The following DSCAM variants were observed in gnomAD, a reference collection of about 807,000 sequenced individuals.
The protein encoded by DSCAM is cell adhesion molecule DSCAM.
In DSCAM, 47 loss-of-function variants were observed where a neutral mutation model predicts 217.7. The observed-to-expected ratio is 0.22, with a 90% confidence interval of 0.17 to 0.28. DSCAM has a LOEUF of 0.28. Ranked by LOEUF, DSCAM falls within the 10% of genes least tolerant of loss-of-function variation. The pLI, the probability that DSCAM is intolerant of heterozygous loss-of-function variation, is 1.00. For missense variants in DSCAM, 2,080 were observed against 2,618.3 expected, an observed-to-expected ratio of 0.79 and a Z score of 4.49; for synonymous variants, 1,056 against 1,015.3, an observed-to-expected ratio of 1.04 and a Z score of -0.76.
chr21:40,440,217 G>A (rs1421050677), intron 3 of DSCAM, among the ~76,000 whole-genome samples: 3 of 152,188 alleles, frequency 2.0e-5, no homozygotes, highest in African/African-American at 7.2e-5. Context: ...GTTCTCCAGA[G>A]AGACACATGG....
intron 32 of DSCAM, among the ~76,000 whole-genome samples, chr21:40,039,401 A>G (rs773999983): frequency 1.5e-4 from 22 of 151,504 alleles, no homozygotes; most frequent in Non-Finnish European, 2.8e-4. Context: ...ATTTGACTAT[A>G]ATTTCTATTA....
At chr21:40,080,420 G>C in intron 24 of DSCAM, 80 bp from the exon 25 acceptor site, 1 of 1,234,984 alleles carries the variant, frequency 8.1e-7, no homozygotes, top group Non-Finnish European at 1.1e-6. Context: ...ATTTTGTGTG[G>C]GTAATAGAAC....
intron 1 of DSCAM, among the ~76,000 whole-genome samples, chr21:40,720,929 T>C (rs2090894381): frequency 6.6e-6 from 1 of 152,202 alleles, no homozygotes; most frequent in East Asian, 1.9e-4. Context: ...TCCTTAACTG[T>C]GTGCTGATAT....
At chr21:40,254,596 T>C (rs1421550078) in intron 11 of DSCAM, among the ~76,000 whole-genome samples, 2 of 152,186 alleles carry the variant, frequency 1.3e-5, no homozygotes, top group Non-Finnish European at 2.9e-5. Context: ...GGTGACTGGT[T>C]CACGGGGGTG....
chr21:40,692,056 C>T (rs1361173907), intron 3 of DSCAM, among the ~76,000 whole-genome samples: 1 of 152,260 alleles, frequency 6.6e-6, no homozygotes, highest in African/African-American at 2.4e-5. Flanking sequence ...TTATAATCCA[C>T]ATCGGAACAC....
chr21:40,522,189 G>A (rs542616178), intron 3 of DSCAM, among the ~76,000 whole-genome samples: 2 of 152,272 alleles, frequency 1.3e-5, no homozygotes, highest in East Asian at 1.9e-4. Context: ...CTTTATTAAA[G>A]TAAGGCCAAT....
chr21:40,757,190 A>AT (rs1049330761), intron 1 of DSCAM, among the ~76,000 whole-genome samples: 5 of 151,356 alleles, frequency 3.3e-5, no homozygotes, highest in Non-Finnish European at 5.9e-5. Context: ...AGCCCGGCTA[A>AT]TTTTTTTTGT....
intron 3 of DSCAM, among the ~76,000 whole-genome samples, chr21:40,465,545 T>G (rs2075837697): frequency 6.6e-6 from 1 of 152,192 alleles, no homozygotes; most frequent in South Asian, 2.1e-4. Flanking sequence ...CTCATTTCCT[T>G]TAGAGCACGC....
intron 30 of DSCAM, among the ~76,000 whole-genome samples, chr21:40,047,542 T>TTTAA (rs775255422): frequency 6.6e-6 from 1 of 152,214 alleles, no homozygotes; most frequent in Non-Finnish European, 1.5e-5. Context: ...ATCAGATTAT[T>TTTAA]TTAATTATCC....
In DSCAM at chr21:40,094,307, T is replaced by G. The variant is rs1039241289; in HGVS notation, c.3697-433A>C. Among the ~76,000 whole-genome samples the G allele has an allele frequency of 3.9e-5, 6 of 152,288 alleles. No homozygotes were observed. In the East Asian group the frequency reaches 1.2e-3, roughly 29 times the overall value. On this transcript the variant is annotated intron_variant, in intron 20 of 32. Transcript: ENST00000400454. ...GAAAACCCCACAATCGCAGAGATTT[T>G]GCAATTTGTAGGGCAGTGTAAATTT...
At chr21:40,443,043 C>T (rs191241482) in intron 3 of DSCAM, among the ~76,000 whole-genome samples, 3 of 152,200 alleles carry the variant, frequency 2.0e-5, no homozygotes, top group African/African-American at 7.2e-5. Flanking sequence ...GAAATCACCA[C>T]TACAGATTTC....
At chr21:40,695,226 T>C (rs541439928) in intron 2 of DSCAM, among the ~76,000 whole-genome samples, 1 of 152,226 alleles carries the variant, frequency 6.6e-6, no homozygotes, top group Non-Finnish European at 1.5e-5. Context: ...TTCACCTGTT[T>C]ACCGGGAGAC....
chr21:40,722,906 A>G (rs1366175739), intron 1 of DSCAM, among the ~76,000 whole-genome samples: 2 of 152,146 alleles, frequency 1.3e-5, no homozygotes, highest in Non-Finnish European at 2.9e-5. Context: ...AGAATAAGAA[A>G]TATTACTAGG....
intron 3 of DSCAM, among the ~76,000 whole-genome samples, chr21:40,484,842 A>G (rs557636560): frequency 2.0e-5 from 3 of 152,290 alleles, no homozygotes; most frequent in Admixed American, 1.3e-4. Flanking sequence ...TCCTAAAATC[A>G]AATGGTAGAT....
At chr21:40,599,649 CA>C (rs1299678056) in intron 3 of DSCAM, among the ~76,000 whole-genome samples, 1 of 151,736 alleles carries the variant, frequency 6.6e-6, no homozygotes, top group South Asian at 2.1e-4. Flanking sequence ...AAAAATCCTT[CA>C]AAAAAATCAA....
At chr21:40,089,446 A>G (rs2089576380) in intron 21 of DSCAM, among the ~76,000 whole-genome samples, 4 of 152,300 alleles carry the variant, frequency 2.6e-5, no homozygotes, top group African/African-American at 9.6e-5. Flanking sequence ...GTTCTCAGCC[A>G]TGGGGCCAGG....
chr21:40,288,110 C>T (rs933392736), intron 10 of DSCAM, among the ~76,000 whole-genome samples: 1 of 152,104 alleles, frequency 6.6e-6, no homozygotes, highest in African/African-American at 2.4e-5. Context: ...ATGTGGACAG[C>T]TACATAAGGA....
chr21:40,458,972 A>T (rs2075784887), intron 3 of DSCAM, among the ~76,000 whole-genome samples: 1 of 152,160 alleles, frequency 6.6e-6, no homozygotes, highest in Non-Finnish European at 1.5e-5. Flanking sequence ...AAATGTTAAA[A>T]GCAATGCTCA....
chr21:40,163,455 T>C (rs1190343630), intron 16 of DSCAM, among the ~76,000 whole-genome samples: 1 of 152,226 alleles, frequency 6.6e-6, no homozygotes, highest in Non-Finnish European at 1.5e-5. Context: ...CTTTTAATTT[T>C]ATTCAGAACT....
Sources: gnomAD v4.1 joint callset for allele counts (sites outside exome capture counted in the v4.1 genomes callset) on GRCh38, gnomAD v4.1.1 for gene constraint, MANE v1.5 for transcripts, NCBI Gene and HGNC (gene_info 2026-07-23, HGNC 2026-07-21) for gene names.